Variants in ITGA2 observed in about 807,000 individuals in gnomAD.
The protein encoded by ITGA2 is integrin subunit alpha 2.
A neutral mutation model predicts 146.3 loss-of-function variants in ITGA2; 101 were observed. The ratio of observed to expected loss-of-function variants is 0.69; its 90% CI spans 0.59 to 0.81. The LOEUF (loss-of-function observed/expected upper bound fraction) is 0.81, where lower values mean the gene tolerates loss of function less well. Among genes scored for constraint, ITGA2 ranks in the 40% least tolerant of loss-of-function variants. The pLI, the probability that ITGA2 is intolerant of heterozygous loss-of-function variation, is 0.00. For synonymous variants in ITGA2, 477 were observed against 487.1 expected (o/e 0.98, Z 0.27); for missense variants, 1,281 against 1,402.7 (o/e 0.91, Z 1.39).
intron 28 of ITGA2, among the ~76,000 whole-genome samples, chr5:53,088,598 A>G (rs764163908): frequency 7.3e-5 from 11 of 151,174 alleles, no homozygotes; most frequent in Non-Finnish European, 1.6e-4. Flanking sequence ...AGGCAGGAGA[A>G]TCGCTTGAAC....
At position 52,989,503 on chromosome 5, in the gene ITGA2, C is replaced by T. The variant is rs777997223; in HGVS notation, c.35C>T (p.Pro12Leu). The T allele has an allele frequency of 1.2e-6, 2 of 1,613,512 alleles. No individual in the cohort carries two copies. Among genetic ancestry groups the T allele is most frequent in the Non-Finnish European group, 1.7e-6 (2 of 1,179,806 alleles). The change falls in exon 1 of 30, where the codon CCG (proline) becomes CTG (leucine). Residue 12 changes from proline to leucine, a missense_variant. By Grantham distance (98) the Pro-to-Leu change is moderately conservative (BLOSUM62 -3). Around this residue, in one of 3 missense-constraint regions of ITGA2, gnomAD observed 795 missense variants for 841.7 expected, o/e 0.94. Transcript: ENST00000296585. ...GPERTGAAPL[P>L]LLLVLALSQG... ...GAACGGACAGGGGCCGCGCCGCTGC[C>T]GCTGCTGCTGGTGTTAGCGCTCAGT...
intron 1 of ITGA2, among the ~76,000 whole-genome samples, chr5:52,995,236 C>T (rs553229556): frequency 5.6e-4 from 86 of 152,228 alleles, no homozygotes; most frequent in Middle Eastern, 3.4e-3. Flanking sequence ...ATCCTGAGAA[C>T]AGTAGAAAGG....
chr5:53,059,933 G>C lies in ITGA2; in HGVS notation c.1233G>C (p.Lys411Asn). The C allele has an allele frequency of 6.2e-7, 1 of 1,612,318 alleles. No homozygotes were observed. The highest frequency in any genetic ancestry group is 8.5e-7 in the Non-Finnish European group (1 of 1,178,932). ...AFGWSGTIVQ[K>N]TSHGHLIFPK... is the part of the protein sequence containing the mutation. ...GCTGGAGTGGGACCATTGTCCAGAAGACATCTCATGGCCATTTGATCTTTC... is the reference window on the plus strand; with the variant it reads ...GCTGGAGTGGGACCATTGTCCAGAACACATCTCATGGCCATTTGATCTTTC... The change falls in exon 11 of 30, where the codon AAG becomes AAC. Residue 411 changes from lysine (K) to asparagine (N), a missense_variant. Lys to Asn is a moderately conservative substitution (Grantham distance 94). This residue lies in a region of ITGA2 where 795 missense variants were observed against 841.7 expected (regional missense o/e 0.94). Coordinates refer to ENST00000296585, the MANE Select transcript of ITGA2 (RefSeq NM_002203.4).
intron 1 of ITGA2, among the ~76,000 whole-genome samples, chr5:53,003,483 G>T (rs1388065912): frequency 1.3e-5 from 2 of 152,138 alleles, no homozygotes; most frequent in African/African-American, 4.8e-5. Flanking sequence ...ACTGTTAGAG[G>T]GAGGCAGCTC....
At chr5:53,008,340 T>G (rs1321417480) in intron 1 of ITGA2, among the ~76,000 whole-genome samples, 1 of 148,166 alleles carries the variant, frequency 6.7e-6, no homozygotes, top group Non-Finnish European at 1.5e-5. Flanking sequence ...CATACTAGAT[T>G]AGGGCTTCAC....
At position 53,062,825 on chromosome 5, in the gene ITGA2, G is replaced by A; in HGVS notation, c.1498G>A (p.Val500Met). 1 of 1,611,768 alleles carries A rather than the reference G, an allele frequency of 6.2e-7. No homozygotes were observed. Among genetic ancestry groups the A allele is most frequent in the Non-Finnish European group, 8.5e-7 (1 of 1,178,462 alleles). The stretch of plus-strand genomic sequence containing the variant: ...TGGTAGTGTGCTGTGTTCAGTTGAT[G>A]TGGATAAAGACACCATTACAGACGT... ...YFGSVLCSVD[V>M]DKDTITDVLL... The change falls in exon 13 of 30, where the codon GTG becomes ATG. Residue 500 changes from valine (V) to methionine (M), a missense_variant. Coordinates refer to ENST00000296585, the MANE Select transcript of ITGA2 (RefSeq NM_002203.4).
intron 2 of ITGA2, among the ~76,000 whole-genome samples, chr5:53,040,815 TCTG>T (rs1301197719): frequency 6.6e-6 from 1 of 152,196 alleles, no homozygotes; most frequent in African/African-American, 2.4e-5. Context: ...TGCTATTCTG[TCTG>T]CTAATACTTC....
At chr5:53,036,093 C>G (rs1319584270) in intron 2 of ITGA2, among the ~76,000 whole-genome samples, 1 of 146,902 alleles carries the variant, frequency 6.8e-6, no homozygotes. Flanking sequence ...AGACCAACTC[C>G]TCAAGAAGTC....
At chr5:53,045,495 T>A (rs1459730421) in intron 4 of ITGA2, among the ~76,000 whole-genome samples, 2 of 152,228 alleles carry the variant, frequency 1.3e-5, no homozygotes, top group African/African-American at 2.4e-5. Flanking sequence ...TCTGGTGTTA[T>A]CTGAGGCATG....
In ITGA2 at chr5:53,055,532, C is replaced by T; in HGVS notation, c.780-6C>T. On this transcript the variant is annotated splice_polypyrimidine_tract_variant and splice_region_variant and intron_variant, in intron 7 of 29. Transcript: ENST00000296585. Reference sequence around the variant, plus strand: ...GCAAGTCTTTATTTAATTTTATCTGCCACAGAAAATATGCTTATTCAGCAG... The same window carrying T: ...GCAAGTCTTTATTTAATTTTATCTGTCACAGAAAATATGCTTATTCAGCAG... 5 of 1,612,196 alleles carry T rather than the reference C, an allele frequency of 3.1e-6. No homozygotes were observed. The highest frequency in any genetic ancestry group is 1.1e-5 in the South Asian group (1 of 91,042).
In ITGA2 at chr5:53,057,973, C is replaced by G. The variant is rs1472121498; in HGVS notation, c.1097-52C>G. 7.2e-6 allele frequency: 10 copies of G among 1,379,942 alleles called. No homozygotes were observed. The African/African-American group carries it at 1.4e-4, about 20-fold the overall frequency. The allele number at this position is 1,379,942 out of a possible 1,614,324, so 85.5% of individuals were successfully genotyped here. On this transcript the variant is annotated intron_variant, in intron 9 of 29. Coordinates refer to ENST00000296585, the MANE Select transcript of ITGA2 (RefSeq NM_002203.4). The stretch of plus-strand genomic sequence containing the variant: ...ATACGTGCCTGCTTGTGTTTGAAAA[C>G]TTGATTTAAAATTACTGACAGTAAT...
At chr5:53,061,975 A>C (rs1022923391) in intron 12 of ITGA2, among the ~76,000 whole-genome samples, 30 of 151,912 alleles carry the variant, frequency 2.0e-4, no homozygotes, top group African/African-American at 6.8e-4. Flanking sequence ...TTTAGAAAAT[A>C]ACAGTGACAG....
chr5:53,078,144 A>G (rs1745744632), intron 23 of ITGA2, among the ~76,000 whole-genome samples: 1 of 152,110 alleles, frequency 6.6e-6, no homozygotes, highest in Non-Finnish European at 1.5e-5. Flanking sequence ...AGATCAATCC[A>G]GTGGCTTTAG....
At chr5:53,010,771 G>T (rs1448152139) in intron 1 of ITGA2, among the ~76,000 whole-genome samples, 1 of 152,170 alleles carries the variant, frequency 6.6e-6, no homozygotes, top group African/African-American at 2.4e-5. Flanking sequence ...CTCCCAAAAA[G>T]ATATGTCCAT....
At chr5:53,078,921 A>G (rs1212345204) in intron 24 of ITGA2, 47 bp downstream of exon 24, 2 of 1,060,264 alleles carry the variant, frequency 1.9e-6, no homozygotes, top group Admixed American at 1.7e-5. Flanking sequence ...GAAAGTGAGA[A>G]GAAAAAAAAT....
intron 1 of ITGA2, among the ~76,000 whole-genome samples, chr5:53,023,510 A>G (rs997843888): frequency 1.6e-4 from 24 of 152,126 alleles, no homozygotes; most frequent in African/African-American, 5.3e-4. Context: ...CATTTTTTTT[A>G]GTAAAATTAC....
intron 12 of ITGA2, among the ~76,000 whole-genome samples, chr5:53,062,106 T>G (rs1475604732): frequency 2.7e-4 from 41 of 151,818 alleles, no homozygotes; most frequent in Non-Finnish European, 1.5e-5. Flanking sequence ...TTATTTTAAT[T>G]TATCTCCACC....
chr5:53,031,375 TC>T (rs1743215332), intron 2 of ITGA2, among the ~76,000 whole-genome samples: 1 of 152,206 alleles, frequency 6.6e-6, no homozygotes, highest in African/African-American at 2.4e-5. Context: ...GGTATCTTTT[TC>T]CTCTGCTTAC....
chr5:53,006,976 G>A (rs1275216003), intron 1 of ITGA2, among the ~76,000 whole-genome samples: 1 of 152,160 alleles, frequency 6.6e-6, no homozygotes, highest in Non-Finnish European at 1.5e-5. Flanking sequence ...TTAGAAAACA[G>A]TCCTAAACAT....
Sources: gnomAD v4.1 joint callset for allele counts (sites outside exome capture counted in the v4.1 genomes callset) on GRCh38, gnomAD v4.1.1 for gene constraint, gnomAD v4.1.1 regional missense constraint, MANE v1.5 for transcripts, NCBI Gene and HGNC (gene_info 2026-07-23, HGNC 2026-07-21) for gene names.